SHC4: variants seen among roughly 807,000 people sequenced by gnomAD.
SHC4 encodes the protein SHC adaptor protein 4.
SHC4 carries 41 observed loss-of-function variants against 69.4 expected under a neutral mutation model. The observed-to-expected ratio is 0.59, with a 90% confidence interval of 0.46 to 0.77. The LOEUF (loss-of-function observed/expected upper bound fraction) is 0.77, where lower values mean the gene tolerates loss of function less well. Among genes scored for constraint, SHC4 ranks in the 30% least tolerant of loss-of-function variants. The pLI is 0.00. For missense variants in SHC4, 777 were observed against 783.8 expected (o/e 0.99, Z 0.10); for synonymous variants, 318 against 299.3 (o/e 1.06, Z -0.64).
At chr15:48,841,029 T>C (rs1396023530) in intron 10 of SHC4, among the ~76,000 whole-genome samples, 4 of 138,536 alleles carry the variant, frequency 2.9e-5, no homozygotes, top group Non-Finnish European at 6.7e-5. Flanking sequence ...TATGTATTAA[T>C]TTTGCCATTT....
At chr15:48,876,549 T>C (rs1184747188) in intron 4 of SHC4, 15 of 668,200 alleles carry the variant, frequency 2.2e-5, no homozygotes, top group South Asian at 2.1e-4. Context: ...TTAACTCACA[T>C]GATCACAAGG....
chr15:48,859,762 T>C (rs1271019787), intron 6 of SHC4, among the ~76,000 whole-genome samples: 1 of 152,238 alleles, frequency 6.6e-6, no homozygotes, highest in Non-Finnish European at 1.5e-5. Flanking sequence ...TGATATAAAT[T>C]ATTTCTTAGG....
At chr15:48,892,808 A>T (rs540738980) in intron 2 of SHC4, among the ~76,000 whole-genome samples, 5 of 150,340 alleles carry the variant, frequency 3.3e-5, no homozygotes, top group Non-Finnish European at 7.4e-5. Flanking sequence ...GGTTGCAGTG[A>T]GCTGAGATCA....
chr15:48,919,480 G>T (rs983807052), intron 2 of SHC4, among the ~76,000 whole-genome samples: 1 of 150,814 alleles, frequency 6.6e-6, no homozygotes, highest in African/African-American at 2.4e-5. Context: ...GTAGAGATGG[G>T]ATTTCACTCT....
At chr15:48,883,364 C>A (rs1899978607) in intron 4 of SHC4, among the ~76,000 whole-genome samples, 1 of 152,160 alleles carries the variant, frequency 6.6e-6, no homozygotes, top group Non-Finnish European at 1.5e-5. Context: ...GTAGTAGAGT[C>A]ATTTGCTAGT....
intron 2 of SHC4, 108 bp from the exon 3 acceptor site, chr15:48,890,919 A>AAT: frequency 8.8e-7 from 1 of 1,140,834 alleles, no homozygotes; most frequent in Non-Finnish European, 1.3e-6. Context: ...CATACATAAT[A>AAT]GTGAGTCTAA....
intron 1 of SHC4, among the ~76,000 whole-genome samples, chr15:48,956,563 T>C (rs1395275272): frequency 6.6e-6 from 1 of 152,104 alleles, no homozygotes; most frequent in East Asian, 1.9e-4. Context: ...CCACTATCGC[T>C]CACCTCTTCC....
At chr15:48,827,681 A>G (rs1898714443) in intron 11 of SHC4, among the ~76,000 whole-genome samples, 1 of 152,188 alleles carries the variant, frequency 6.6e-6, no homozygotes, top group Admixed American at 6.5e-5. Context: ...CAGAGATTGT[A>G]AGCAGGCCAC....
intron 3 of SHC4, among the ~76,000 whole-genome samples, chr15:48,887,871 C>T (rs1344013865): frequency 1.3e-5 from 2 of 152,118 alleles, no homozygotes; most frequent in East Asian, 1.9e-4. Context: ...CTACTGTGAA[C>T]AATTGTATGC....
At position 48,825,748 on chromosome 15, in the gene SHC4, C is replaced by T. The variant is rs952518699; in HGVS notation, c.*223G>A. The T allele has an allele frequency of 2.0e-6, 1 of 506,710 alleles. No individual in the cohort carries two copies. The highest frequency in any genetic ancestry group is 3.4e-6 in the Non-Finnish European group (1 of 295,802). 31.4% of individuals were successfully genotyped at this position (506,710 alleles called of 1,614,324 possible). ...TGACATCCGTGCATACATATAATTT[C>T]TTTTAAAATGACCAACCCTCTTCCT... On this transcript the variant is annotated 3_prime_UTR_variant, in exon 12 of 12. Transcript: ENST00000332408.
chr15:48,842,108 G>C (rs1899003266), intron 10 of SHC4, among the ~76,000 whole-genome samples: 1 of 152,116 alleles, frequency 6.6e-6, no homozygotes, highest in Non-Finnish European at 1.5e-5. Context: ...TTTATGAAAA[G>C]CATTTTTTGT....
At chr15:48,923,418 C>T (rs895716145) in intron 2 of SHC4, among the ~76,000 whole-genome samples, 39 of 151,604 alleles carry the variant, frequency 2.6e-4, no homozygotes, top group African/African-American at 6.3e-4. Context: ...GGTGTGGTGG[C>T]GGGCACCTGT....
chr15:48,943,719 G>A (rs1024215095), intron 1 of SHC4, among the ~76,000 whole-genome samples: 1 of 152,040 alleles, frequency 6.6e-6, no homozygotes, highest in Non-Finnish European at 1.5e-5. Context: ...TTCCCACCAA[G>A]AGTGCACAAA....
At chr15:48,909,670 AG>A (rs901741203) in intron 2 of SHC4, among the ~76,000 whole-genome samples, 3 of 152,126 alleles carry the variant, frequency 2.0e-5, no homozygotes, top group African/African-American at 7.2e-5. Context: ...TTCCCTATTC[AG>A]TATTATGTTG....
At chr15:48,835,265 G>A (rs1898878508) in intron 10 of SHC4, among the ~76,000 whole-genome samples, 1 of 152,146 alleles carries the variant, frequency 6.6e-6, no homozygotes, top group African/African-American at 2.4e-5. Flanking sequence ...AGGTGCAGGA[G>A]TTTTTCTTTC....
chr15:48,951,525 A>G (rs1901364487), intron 1 of SHC4, among the ~76,000 whole-genome samples: 1 of 152,160 alleles, frequency 6.6e-6, no homozygotes, highest in African/African-American at 2.4e-5. Flanking sequence ...CCAGCTTTTC[A>G]GGTACTATAC....
rs1174861022 is a variant in SHC4 at position 48,957,945 on chromosome 15, G to A, written c.585+4486C>T. 2.0e-5 allele frequency among the ~76,000 whole-genome samples: 3 copies of A among 152,228 alleles called. No individual in the cohort carries two copies. The East Asian group carries it at 5.8e-4, about 29-fold the overall frequency. On this transcript the variant is annotated intron_variant, in intron 1 of 11. Transcript: ENST00000332408. ...TACAAGCCAAGGAGCACCAAGAATT[G>A]CAGGCAACTGCCAAAAGCTAGAAGA...
intron 3 of SHC4, 41 bp from the exon 4 acceptor site, chr15:48,884,408 T>G: frequency 6.5e-7 from 1 of 1,533,240 alleles, no homozygotes; most frequent in East Asian, 2.3e-5. Context: ...CTGTTAGGAA[T>G]TTTGTTACAG....
At position 48,878,417 on chromosome 15, in the gene SHC4, G is replaced by A. The variant is rs1899868190; in HGVS notation, c.840+5831C>T. On this transcript the variant is annotated intron_variant, in intron 4 of 11. Transcript: ENST00000332408. ...ACGGAGCCTTGCTAACGGGCCCAACGCTGGGGAGCAGCCAGGCCAGGTGGC... is the reference window on the plus strand; with the variant it reads ...ACGGAGCCTTGCTAACGGGCCCAACACTGGGGAGCAGCCAGGCCAGGTGGC... 1.9e-6 allele frequency: 3 copies of A among 1,611,984 alleles called. No individual in the cohort carries two copies. The African/African-American group carries it at 4.0e-5, about 22-fold the overall frequency.
Sources: allele counts gnomAD v4.1 joint callset (sites outside exome capture counted in the v4.1 genomes callset), GRCh38; gene constraint gnomAD v4.1.1; transcripts MANE v1.5; gene names NCBI Gene and HGNC (gene_info 2026-07-23, HGNC 2026-07-21).